ROR2: variants seen among roughly 807,000 people sequenced by gnomAD.
ROR2 encodes the protein ROR family WNT receptor 2, also known as tyrosine-protein kinase transmembrane receptor ROR2.
Under a neutral mutation model 74.9 loss-of-function variants are expected in ROR2, and 33 were observed. The observed-to-expected ratio is 0.44, with a 90% CI of 0.33 to 0.59. The LOEUF is 0.59. Among genes scored for constraint, ROR2 ranks in the 20% least tolerant of loss-of-function variants. The probability of loss-of-function intolerance (pLI) is 0.02; values close to 1 mark genes in which losing one functional copy is unlikely to be tolerated. For synonymous variants in ROR2, 586 were observed against 558.7 expected (o/e 1.05, Z -0.69); for missense variants, 1,216 against 1,313.8 (o/e 0.93, Z 1.15).
intron 7 of ROR2, among the ~76,000 whole-genome samples, chr9:91,727,071 G>A (rs975388952): frequency 6.6e-6 from 1 of 152,292 alleles, no homozygotes; most frequent in Non-Finnish European, 1.5e-5. Flanking sequence ...AATACCATCG[G>A]AGATAGGTGC....
chr9:91,886,297 G>C (rs1432490290), intron 1 of ROR2, among the ~76,000 whole-genome samples: 1 of 152,204 alleles, frequency 6.6e-6, no homozygotes. Flanking sequence ...GTTGGAGCCA[G>C]CGGGGACCCA....
At chr9:91,890,364 T>A (rs1564022854) in intron 1 of ROR2, among the ~76,000 whole-genome samples, 1 of 152,196 alleles carries the variant, frequency 6.6e-6, no homozygotes, top group Non-Finnish European at 1.5e-5. Flanking sequence ...AGCTTTTTCT[T>A]CATTTCTTTT....
chr9:91,748,779 TC>T (rs1420443099), intron 4 of ROR2, among the ~76,000 whole-genome samples: 1 of 152,218 alleles, frequency 6.6e-6, no homozygotes, highest in African/African-American at 2.4e-5. Flanking sequence ...ACGCCTGCAA[TC>T]CCAGCATTTT....
intron 1 of ROR2, among the ~76,000 whole-genome samples, chr9:91,801,504 TG>T (rs1055918319): frequency 1.2e-4 from 18 of 152,120 alleles, no homozygotes; most frequent in African/African-American, 4.3e-4. Flanking sequence ...AGCTAATTTT[TG>T]TATTTTTTGT....
chr9:91,781,641 T>C (rs909809607), intron 1 of ROR2, among the ~76,000 whole-genome samples: 3 of 152,230 alleles, frequency 2.0e-5, no homozygotes, highest in African/African-American at 7.2e-5. Context: ...CCAGGTGGGC[T>C]GCCAGTACCT....
At chr9:91,818,798 T>C (rs374691047) in intron 1 of ROR2, among the ~76,000 whole-genome samples, 1 of 152,026 alleles carries the variant, frequency 6.6e-6, no homozygotes. Context: ...CACACAGCCT[T>C]GGGCAGCCTC....
intron 2 of ROR2, 132 bp downstream of exon 2, chr9:91,775,609 C>G: frequency 1.2e-6 from 1 of 804,188 alleles, no homozygotes; most frequent in South Asian, 1.4e-5. Context: ...GGCATTCCAC[C>G]ATACCCACCA....
intron 1 of ROR2, among the ~76,000 whole-genome samples, chr9:91,838,419 G>A (rs1377817205): frequency 6.6e-6 from 1 of 152,158 alleles, no homozygotes. Context: ...CCTGGCACCT[G>A]AAACATTCCT....
At chr9:91,924,335 G>C (rs1185192383) in intron 1 of ROR2, among the ~76,000 whole-genome samples, 1 of 152,240 alleles carries the variant, frequency 6.6e-6, no homozygotes, top group Non-Finnish European at 1.5e-5. Context: ...ACTGGAGGAA[G>C]GTGTCCATCG....
In ROR2 at chr9:91,756,081, G is replaced by T. The variant is rs1286072020; in HGVS notation, c.484C>A (p.His162Asn). The T allele has an allele frequency of 6.8e-6, 11 of 1,614,026 alleles. No homozygotes were observed. Among genetic ancestry groups the T allele is most frequent in the Non-Finnish European group, 9.3e-6 (11 of 1,179,852 alleles). Residue 162 changes from histidine to asparagine, a missense_variant, in exon 4 of 9, where the codon CAT becomes AAT. By Grantham distance (68) the His-to-Asn change is moderately conservative. Coordinates refer to ENST00000375708, the MANE Select transcript of ROR2 (RefSeq NM_004560.4). ...VRLGPTHSPN[H>N]NFQDDYHEDG... ...AAAACAGATACTTACTGAAAGTTAT[G>T]ATTTGGGCTGTGCGTTGGACCTAAA...
At chr9:91,802,222 C>T (rs59394284) in intron 1 of ROR2, among the ~76,000 whole-genome samples, 15,124 of 151,894 alleles carry the variant, frequency 0.1, 1,265 homozygotes, top group East Asian at 0.29. Flanking sequence ...TACAGGCGCC[C>T]GCCACCAGGC....
Position 91,888,213 on chromosome 9 carries a change from T to G in ROR2, c.97+61654A>C, listed in dbSNP as rs80113262. 2.9e-3 allele frequency among the ~76,000 whole-genome samples: 440 copies of G among 152,348 alleles called. 2 individuals carry two copies. Among genetic ancestry groups the G allele is most frequent in the African/African-American group, 0.01 (416 of 41,568 alleles). On this transcript the variant is annotated intron_variant, in intron 1 of 8. Transcript: ENST00000375708. The stretch of plus-strand genomic sequence containing the variant: ...TGTTACTTCCTTGTGATTTTAACTG[T>G]GTTTCCCAGGTTCATGAGTGTTTGG...
chr9:91,854,651 G>C (rs1344879495), intron 1 of ROR2, among the ~76,000 whole-genome samples: 1 of 152,224 alleles, frequency 6.6e-6, no homozygotes, highest in East Asian at 1.9e-4. Context: ...TGCAGGATCA[G>C]AATCTCAGGG....
At chr9:91,816,872 A>G (rs1408709728) in intron 1 of ROR2, among the ~76,000 whole-genome samples, 1 of 152,156 alleles carries the variant, frequency 6.6e-6, no homozygotes, top group Non-Finnish European at 1.5e-5. Context: ...CAGAGACAAG[A>G]CACTTGGAGA....
At chr9:91,817,588 C>G (rs1210021318) in intron 1 of ROR2, among the ~76,000 whole-genome samples, 1 of 152,158 alleles carries the variant, frequency 6.6e-6, no homozygotes, top group Non-Finnish European at 1.5e-5. Context: ...CTGTACTGGG[C>G]CAGGCACTGA....
At chr9:91,726,446 A>G in intron 8 of ROR2, 95 bp downstream of exon 8, 1 of 1,161,448 alleles carries the variant, frequency 8.6e-7, no homozygotes, top group Non-Finnish European at 1.3e-6. Context: ...TGTGCTATGT[A>G]TCAAGTAAAT....
intron 1 of ROR2, among the ~76,000 whole-genome samples, chr9:91,860,491 G>A (rs1016160955): frequency 6.6e-6 from 1 of 152,166 alleles, no homozygotes; most frequent in Non-Finnish European, 1.5e-5. Flanking sequence ...GCATGAGAGG[G>A]GATTCATTTG....
chr9:91,840,100 G>A (rs1432339112), intron 1 of ROR2, among the ~76,000 whole-genome samples: 1 of 152,188 alleles, frequency 6.6e-6, no homozygotes, highest in African/African-American at 2.4e-5. Context: ...ATCTGGCAGA[G>A]CAGAGAGTAC....
chr9:91,738,083 G>A (rs188129250), intron 4 of ROR2, among the ~76,000 whole-genome samples: 7 of 152,240 alleles, frequency 4.6e-5, no homozygotes, highest in East Asian at 1.9e-4. Context: ...GTGAGCACAC[G>A]TCACTATACA....
Sources: allele counts gnomAD v4.1 joint callset (sites outside exome capture counted in the v4.1 genomes callset), GRCh38; gene constraint gnomAD v4.1.1; transcripts MANE v1.5; gene names NCBI Gene and HGNC (gene_info 2026-07-23, HGNC 2026-07-21).